ZNF469: variants seen among roughly 807,000 people sequenced by gnomAD.
ZNF469 encodes zinc finger protein 469.
ZNF469 carries 1 observed loss-of-function variant against 1.0 expected under a neutral mutation model. The ratio of observed to expected loss-of-function variants is 1.00; its 90% CI spans 0.35 to 4.73. ZNF469 has a LOEUF of 4.73. Ranked by LOEUF, ZNF469 falls within the 30% of genes most tolerant of loss-of-function variation. The probability of loss-of-function intolerance (pLI) is 0.16; values close to 1 mark genes in which losing one functional copy is unlikely to be tolerated. For missense variants in ZNF469, 6,100 were observed against 5,356.3 expected (o/e 1.14, Z -4.33); for synonymous variants, 2,703 against 2,363.4 (o/e 1.14, Z -4.17).
At chr16:88,194,808 G>T in the ZNF469 span, 1 of 152,228 alleles carries the variant, frequency 6.6e-6, no homozygotes, top group Non-Finnish European at 1.5e-5. Context: ...AGGCAGCAAA[G>T]AAAAAAGCGC....
the ZNF469 span, among the ~76,000 whole-genome samples, chr16:88,204,123 G>T: frequency 3.1e-3 from 460 of 149,510 alleles, 3 homozygotes; most frequent in African/African-American, 0.01. Flanking sequence ...CCACAGAGCA[G>T]CCGGAGGCGC....
At position 88,434,555 on chromosome 16, in the gene ZNF469, C is replaced by A; in HGVS notation, c.7085C>A (p.Ser2362Tyr). 1.3e-6 allele frequency: 2 copies of A among 1,550,314 alleles called. No individual in the cohort carries two copies. The highest frequency in any genetic ancestry group is 1.7e-6 in the Non-Finnish European group (2 of 1,146,922). ...PPTLQGAGPD[S>Y]PACLEGEMGT... ...ACGCTACAGGGTGCAGGGCCGGACT[C>A]CCCCGCCTGCCTGGAAGGTGAGATG... The change falls in exon 3 of 3, where the codon TCC becomes TAC. Residue 2362 changes from serine (S) to tyrosine (Y), a missense_variant. By Grantham distance (144) the Ser-to-Tyr change is moderately radical (BLOSUM62 -2). Coordinates refer to ENST00000565624, the MANE Select transcript of ZNF469 (RefSeq NM_001367624.2).
At chr16:88,422,896 A>G (rs1905535470) in intron 1 of ZNF469, among the ~76,000 whole-genome samples, 1 of 52,544 alleles carries the variant, frequency 1.9e-5, no homozygotes, top group African/African-American at 4.1e-5. Flanking sequence ...GGATGGATGG[A>G]CGGACAGACG....
In ZNF469 at chr16:88,431,681, C is replaced by T. The variant is rs948990641; in HGVS notation, c.4211C>T (p.Ala1404Val). Reference sequence around the variant, plus strand: ...GAAGAACTGCACCCCAAGCCCTCAGCCAGGGATGCCCCGCCGGCCAGCAGC... The same window carrying T: ...GAAGAACTGCACCCCAAGCCCTCAGTCAGGGATGCCCCGCCGGCCAGCAGC... ...FLEELHPKPS[A>V]RDAPPASSSC... is the part of the protein sequence containing the mutation. The change falls in exon 3 of 3, where the codon GCC becomes GTC. Residue 1404 changes from alanine to valine, a missense_variant. Coordinates refer to ENST00000565624, the MANE Select transcript of ZNF469 (RefSeq NM_001367624.2). 1.4e-5 allele frequency: 22 copies of T among 1,550,322 alleles called. No homozygotes were observed. The highest frequency in any genetic ancestry group is 1.8e-5 in the Non-Finnish European group (21 of 1,146,984).
the ZNF469 span, among the ~76,000 whole-genome samples, chr16:88,315,561 T>C: frequency 3.9e-5 from 6 of 152,138 alleles, no homozygotes; most frequent in Admixed American, 1.3e-4. Context: ...CCAGGTGACT[T>C]TGCAGAGGAG....
At position 88,436,935 on chromosome 16, in the gene ZNF469, G is replaced by T; in HGVS notation, c.9465G>T (p.Ser3155=). 1.3e-6 allele frequency: 2 copies of T among 1,492,802 alleles called. No individual in the cohort carries two copies. Among genetic ancestry groups the T allele is most frequent in the Non-Finnish European group, 8.9e-7 (1 of 1,122,506 alleles). The allele number at this position is 1,492,802 out of a possible 1,614,324, so 92.5% of individuals were successfully genotyped here. The change falls in exon 3 of 3, where the codon TCG becomes TCT. Residue 3155 remains serine (S), a synonymous_variant. Coordinates refer to ENST00000565624, the MANE Select transcript of ZNF469 (RefSeq NM_001367624.2). ...TGTGCGTGGAGCGCAGGTTTGGCTCGCGGGAGCTGCTGCGGGGGCACCTGC... is the reference window on the plus strand; with the variant it reads ...TGTGCGTGGAGCGCAGGTTTGGCTCTCGGGAGCTGCTGCGGGGGCACCTGC... ...CYMCVERRFG[S]RELLRGHLQE...
Position 88,432,942 on chromosome 16 carries a change from T to A in ZNF469, c.5472T>A (p.Gly1824=). 6.5e-6 allele frequency: 10 copies of A among 1,550,382 alleles called. No homozygotes were observed. The highest frequency in any genetic ancestry group is 8.7e-6 in the Non-Finnish European group (10 of 1,146,982). The change falls in exon 3 of 3, where the codon GGT becomes GGA. Residue 1824 remains glycine, a synonymous_variant. Transcript: ENST00000565624. Reference sequence around the variant, plus strand: ...CTCTGGATGCCACCTGGCCTTTTGGTGCCAGTCCCAGCCATGCTGCCCAGG... The same window carrying A: ...CTCTGGATGCCACCTGGCCTTTTGGAGCCAGTCCCAGCCATGCTGCCCAGG... ...APPLDATWPF[G]ASPSHAAQGH...
chr16:88,187,027 G>A, the ZNF469 span, among the ~76,000 whole-genome samples: 2 of 152,194 alleles, frequency 1.3e-5, no homozygotes, highest in African/African-American at 2.4e-5. Context: ...CAGCCCTGCA[G>A]GTGGGGCGGC....
At chr16:88,302,664 G>C in the ZNF469 span, among the ~76,000 whole-genome samples, 1 of 152,202 alleles carries the variant, frequency 6.6e-6, no homozygotes, top group Admixed American at 6.5e-5. Flanking sequence ...AACAGACGTT[G>C]GGAGGAAGGA....
rs1402448363 is a variant in ZNF469, at chr16:88,438,306, G to C, written c.10836G>C (p.Glu3612Asp). 4 of 1,549,470 alleles carry C rather than the reference G, an allele frequency of 2.6e-6. No individual in the cohort carries two copies. The South Asian group carries it at 4.8e-5, about 18-fold the overall frequency. ...CGGGAGCCAGAGGCCAAGATGCGGAGGGAAAGAGGGCTCCTCTCGTGTTCT... is the reference window on the plus strand; with the variant it reads ...CGGGAGCCAGAGGCCAAGATGCGGACGGAAAGAGGGCTCCTCTCGTGTTCT... Reference protein sequence around the residue: ...PRPGARGQDAEGKRAPLVFSG... With the variant: ...PRPGARGQDADGKRAPLVFSG... The change falls in exon 3 of 3, where the codon GAG becomes GAC. Residue 3612 changes from glutamate to aspartate, a missense_variant. By Grantham distance (45) the Glu-to-Asp change is conservative. Coordinates refer to ENST00000565624, the MANE Select transcript of ZNF469 (RefSeq NM_001367624.2).
At chr16:88,326,204 G>A in the ZNF469 span, among the ~76,000 whole-genome samples, 1 of 152,208 alleles carries the variant, frequency 6.6e-6, no homozygotes, top group Non-Finnish European at 1.5e-5. Flanking sequence ...AATTACGGGG[G>A]TGGCTCTTTC....
the ZNF469 span, among the ~76,000 whole-genome samples, chr16:88,267,299 G>A: frequency 1.3e-5 from 2 of 152,174 alleles, no homozygotes; most frequent in East Asian, 1.9e-4. Context: ...CTGTGGCCCC[G>A]TTTAAGTGCC....
chr16:88,313,311 G>T, the ZNF469 span, among the ~76,000 whole-genome samples: 1 of 152,130 alleles, frequency 6.6e-6, no homozygotes, highest in Non-Finnish European at 1.5e-5. Context: ...TCATTTTCCA[G>T]ATATGTAATC....
chr16:88,438,582 G>T lies in ZNF469; in HGVS notation c.11112G>T (p.Gly3704=). 1 of 1,550,116 alleles carries T rather than the reference G, an allele frequency of 6.5e-7. No homozygotes were observed. The highest frequency in any genetic ancestry group is 8.7e-7 in the Non-Finnish European group (1 of 1,146,934). The change falls in exon 3 of 3, where the codon GGG becomes GGT. Residue 3704 remains glycine, a synonymous_variant. Coordinates refer to ENST00000565624, the MANE Select transcript of ZNF469 (RefSeq NM_001367624.2). ...CAGTGCACCCAAGGAAGGCGGTGGG[G>T]AGCCTGGCACCCGGGGAGCTGGCCC... ...KFPVHPRKAV[G]SLAPGELARG... is the part of the protein sequence containing the mutation.
the ZNF469 span, among the ~76,000 whole-genome samples, chr16:88,136,159 A>T: frequency 1.3e-5 from 2 of 152,176 alleles, no homozygotes; most frequent in Non-Finnish European, 2.9e-5. Context: ...GCAGTGCCAG[A>T]GGTGCTGTGA....
chr16:88,228,629 T>A, the ZNF469 span, among the ~76,000 whole-genome samples: 2 of 152,316 alleles, frequency 1.3e-5, no homozygotes, highest in Admixed American at 1.3e-4. Context: ...ATATTCTCAT[T>A]ATGAGAAATT....
the ZNF469 span, among the ~76,000 whole-genome samples, chr16:88,243,182 C>T: frequency 4.6e-5 from 7 of 152,186 alleles, no homozygotes; most frequent in Non-Finnish European, 1.0e-4. Flanking sequence ...CTCATAAGCT[C>T]CTCATGTGAC....
the ZNF469 span, among the ~76,000 whole-genome samples, chr16:88,192,599 C>T: frequency 0.19 from 28,884 of 151,568 alleles, 103 homozygotes; most frequent in Middle Eastern, 0.24. Context: ...GGCTGGTCCA[C>T]AGTCCAAGTC....
chr16:88,294,642 C>A, the ZNF469 span: 1 of 152,354 alleles, frequency 6.6e-6, no homozygotes, highest in South Asian at 2.1e-4. Context: ...TGAGTCCAAG[C>A]GCTAAAAACC....
Sources: gnomAD v4.1 joint callset for allele counts (sites outside exome capture counted in the v4.1 genomes callset) on GRCh38, gnomAD v4.1.1 for gene constraint, MANE v1.5 for transcripts, NCBI Gene and HGNC (gene_info 2026-07-23, HGNC 2026-07-21) for gene names.